Variants in SARS2 observed in about 807,000 individuals in gnomAD.
SARS2 encodes the protein serine--tRNA ligase, mitochondrial.
A neutral mutation model predicts 66.8 loss-of-function variants in SARS2; 52 were observed. The ratio of observed to expected loss-of-function variants is 0.78; its 90% confidence interval spans 0.62 to 0.98. The LOEUF is 0.98. SARS2 is among the 50% of genes least tolerant of loss of function. The pLI is 0.00. For missense variants in SARS2, 673 were observed against 706.3 expected (o/e 0.95, Z 0.53); for synonymous variants, 306 against 281.4 (o/e 1.09, Z -0.87).
intron 10 of SARS2, 23 bp downstream of exon 10, chr19:38,918,071 G>A (rs1460765278): frequency 5.0e-6 from 8 of 1,605,500 alleles, no homozygotes; most frequent in Non-Finnish European, 6.8e-6. Flanking sequence ...GTGGGGTCAA[G>A]GTCTAAGGAA....
chr19:38,919,784 G>A lies in SARS2; in HGVS notation c.737C>T (p.Thr246Ile), dbSNP rs372561312. 3 of 1,614,056 alleles carry A rather than the reference G, an allele frequency of 1.9e-6. No homozygotes were observed. In the African/African-American group the frequency reaches 4.0e-5, roughly 22 times the overall value. Residue 246 changes from threonine to isoleucine, a missense_variant, in exon 7 of 16, where the codon ACA becomes ATA. Thr to Ile is a moderately conservative substitution (Grantham distance 89). Transcript: ENST00000221431. ...ALLQHGLVNF[T>I]FNKLLRRGFT... is the part of the protein sequence containing the mutation. ...TACCCGGCGGAGAAGCTTGTTGAAT[G>A]TGAAGTTGACCAGGCCGTGCTGCAG...
rs1974402220 is a variant in SARS2 at position 38,915,826 on chromosome 19, C to A, written c.1413+15G>T. 6.2e-7 allele frequency: 1 copy of A among 1,613,296 alleles called. No homozygotes were observed. Among genetic ancestry groups the A allele is most frequent in the African/African-American group, 1.3e-5 (1 of 74,940 alleles). Reference sequence around the variant, plus strand: ...CGCTGAGCTGCCTCTCTGGGTGGGCCCCTCAGCCCCTCACCTTCTGCTGGT... The same window carrying A: ...CGCTGAGCTGCCTCTCTGGGTGGGCACCTCAGCCCCTCACCTTCTGCTGGT... On this transcript the variant is annotated intron_variant, in intron 15 of 15. Transcript: ENST00000221431.
At chr19:38,921,078 C>CACAGAT (rs1263757380) in intron 5 of SARS2, among the ~76,000 whole-genome samples, 10 of 151,880 alleles carry the variant, frequency 6.6e-5, no homozygotes, top group Admixed American at 4.6e-4. Flanking sequence ...GATACAGACA[C>CACAGAT]ACAGATACAG....
intron 5 of SARS2, 108 bp downstream of exon 5, chr19:38,921,284 T>A: frequency 2.5e-6 from 3 of 1,178,932 alleles, no homozygotes; most frequent in Non-Finnish European, 2.5e-6. Flanking sequence ...CCGCCAGGAG[T>A]TCTCCAGGCT....
At chr19:38,916,158 G>C in intron 13 of SARS2, 29 bp from the exon 14 acceptor site, 1 of 1,613,576 alleles carries the variant, frequency 6.2e-7, no homozygotes, top group Non-Finnish European at 8.5e-7. Flanking sequence ...AGGCTGAGCG[G>C]ATCAGGGATG....
At chr19:38,925,783 C>G (rs1377167005) in intron 2 of SARS2, among the ~76,000 whole-genome samples, 1 of 152,148 alleles carries the variant, frequency 6.6e-6, no homozygotes, top group Non-Finnish European at 1.5e-5. Flanking sequence ...TGCAACAGCT[C>G]GCTATGTGAG....
chr19:38,924,284 G>C (rs574223518), intron 2 of SARS2, among the ~76,000 whole-genome samples: 2 of 152,302 alleles, frequency 1.3e-5, no homozygotes, highest in African/African-American at 4.8e-5. Flanking sequence ...GCAGCTGAGG[G>C]AATCGAACAG....
chr19:38,921,828 T>C lies in SARS2; in HGVS notation c.394-161A>G, dbSNP rs1314752110. 5 of 1,313,230 alleles carry C rather than the reference T, an allele frequency of 3.8e-6. No individual in the cohort carries two copies. The South Asian group carries it at 5.4e-5, about 14-fold the overall frequency. The allele number at this position is 1,313,230 out of a possible 1,614,324, so 81.3% of individuals were successfully genotyped here. On this transcript the variant is annotated intron_variant, in intron 3 of 15. Coordinates refer to ENST00000221431, the MANE Select transcript of SARS2 (RefSeq NM_017827.4). Reference sequence around the variant, plus strand: ...TCGCAGAACTTCCCTTACCACCACATGGCAGGTTTGTGGGGAAAAGAATCA... The same window carrying C: ...TCGCAGAACTTCCCTTACCACCACACGGCAGGTTTGTGGGGAAAAGAATCA...
At chr19:38,922,530 T>C (rs1308865666) in intron 2 of SARS2, among the ~76,000 whole-genome samples, 1 of 152,222 alleles carries the variant, frequency 6.6e-6, no homozygotes, top group African/African-American at 2.4e-5. Flanking sequence ...GGCTCTCCCA[T>C]GCCATGATTT....
chr19:38,926,101 C>G (rs1974622211), intron 2 of SARS2, 104 bp downstream of exon 2: 1 of 987,422 alleles, frequency 1.0e-6, no homozygotes, highest in Non-Finnish European at 1.6e-6. Context: ...TAGGCGTGAG[C>G]CACCGTGCCA....
At chr19:38,918,978 G>GAGGGCGGA (rs1974470369) in intron 7 of SARS2, among the ~76,000 whole-genome samples, 165 bp from the exon 8 acceptor site, 1 of 152,184 alleles carries the variant, frequency 6.6e-6, no homozygotes, top group Non-Finnish European at 1.5e-5. Context: ...GGAGGCTGAG[G>GAGGGCGGA]TGGGCGGATC....
rs770740259 is a variant in SARS2, at chr19:38,919,819, A to G, written c.702T>C (p.Ala234=). The stretch of plus-strand genomic sequence containing the variant: ...CCAGGCCGTGCTGCAGGAGGGCTCC[A>G]GCCCCGCGCAGGTAATAGGACCGGT... ...SGHRSYYLRG[A]GALLQHGLVN... is the part of the protein sequence containing the mutation. The change falls in exon 7 of 16, where the codon GCT becomes GCC. Residue 234 remains alanine, a synonymous_variant. Transcript: ENST00000221431. The G allele has an allele frequency of 1.2e-6, 2 of 1,614,200 alleles. No individual in the cohort carries two copies. The highest frequency in any genetic ancestry group is 3.3e-5 in the Admixed American group (2 of 60,024).
rs758006251 is a variant in SARS2, at chr19:38,921,445, G to A, written c.536C>T (p.Pro179Leu). Residue 179 changes from proline to leucine, a missense_variant and splice_region_variant, in exon 5 of 16, where the codon CCC becomes CTC. Pro to Leu is a moderately conservative substitution (Grantham distance 98). Coordinates refer to ENST00000221431, the MANE Select transcript of SARS2 (RefSeq NM_017827.4). The part of the protein sequence containing the change: ...KLPNQTHPDV[P>L]VGDESQARVL... ...TCGAGCCTGGCTCTCATCCCCGACG[G>A]GCTGCAGGGAGACAGCAGGAGTCAC... 39 of 1,613,988 alleles carry A rather than the reference G, an allele frequency of 2.4e-5. No individual in the cohort carries two copies. The highest frequency in any genetic ancestry group is 4.0e-5 in the African/African-American group (3 of 74,934).
intron 12 of SARS2, 33 bp downstream of exon 12, chr19:38,917,679 CTACCCCACCCCT>C: frequency 9.9e-7 from 1 of 1,005,230 alleles, no homozygotes; most frequent in African/African-American, 1.6e-5. Context: ...TGTCCCTCCC[CTACCCCACCCCT>C]GCCATCCCTG....
intron 12 of SARS2, 37 bp downstream of exon 12, chr19:38,917,687 C>G: frequency 9.7e-7 from 1 of 1,028,400 alleles, no homozygotes; most frequent in Non-Finnish European, 1.5e-6. Context: ...CCCTACCCCA[C>G]CCCTGCCATC....
chr19:38,917,703 A>T, intron 12 of SARS2, 21 bp downstream of exon 12: 11 of 1,065,332 alleles, frequency 1.0e-5, no homozygotes, highest in African/African-American at 1.6e-5. Flanking sequence ...CCATCCCTGG[A>T]TCCCTGGCCC....
chr19:38,922,742 C>T (rs1030216257), intron 2 of SARS2, among the ~76,000 whole-genome samples: 1 of 152,076 alleles, frequency 6.6e-6, no homozygotes, highest in Non-Finnish European at 1.5e-5. Flanking sequence ...GGTTTAAAAG[C>T]ATTTGGCAGT....
intron 12 of SARS2, among the ~76,000 whole-genome samples, chr19:38,916,986 G>A (rs1341377795): frequency 6.6e-6 from 1 of 150,592 alleles, no homozygotes; most frequent in African/African-American, 2.4e-5. Flanking sequence ...TTTAGAGACA[G>A]GGTCTCACTC....
At chr19:38,928,315 T>C (rs1398586624) in intron 1 of SARS2, 1 of 151,214 alleles carries the variant, frequency 6.6e-6, no homozygotes, top group African/African-American at 2.4e-5. Flanking sequence ...GAGGCGGAGG[T>C]TGCAGTGACC....
Sources: allele counts gnomAD v4.1 joint callset (sites outside exome capture counted in the v4.1 genomes callset), GRCh38; gene constraint gnomAD v4.1.1; transcripts MANE v1.5; gene names NCBI Gene and HGNC (gene_info 2026-07-23, HGNC 2026-07-21).